Variants in LSAMP observed in about 807,000 individuals in gnomAD.
LSAMP encodes the protein limbic system associated membrane protein.
A neutral mutation model predicts 38.6 loss-of-function variants in LSAMP; 7 were observed. The ratio of observed to expected loss-of-function variants is 0.18; its 90% CI spans 0.10 to 0.34. LSAMP has a LOEUF of 0.34. LSAMP is among the 10% of genes least tolerant of loss of function. The probability of loss-of-function intolerance (pLI) is 1.00; values close to 1 mark genes in which losing one functional copy is unlikely to be tolerated. For missense variants in LSAMP, 313 were observed against 420.0 expected, an observed-to-expected ratio of 0.75 and a Z score of 2.23; for synonymous variants, 154 against 166.8, an observed-to-expected ratio of 0.92 and a Z score of 0.59.
intron 1 of LSAMP, among the ~76,000 whole-genome samples, chr3:116,102,316 C>T (rs1708365982): frequency 6.6e-6 from 1 of 152,208 alleles, no homozygotes; most frequent in African/African-American, 2.4e-5. Flanking sequence ...TTATAAAACA[C>T]AATCTCAGAA....
intron 1 of LSAMP, among the ~76,000 whole-genome samples, chr3:116,214,499 CTTTTTT>C (rs59630662): frequency 4.8e-5 from 5 of 103,254 alleles, no homozygotes; most frequent in African/African-American, 7.8e-5. Context: ...AAAAATGGGT[CTTTTTT>C]TTTTTTTTTT....
rs1933729794 is a variant in LSAMP at position 115,809,295 on chromosome 3, A to T, written c.*1022T>A. On this transcript the variant is annotated 3_prime_UTR_variant, in exon 7 of 7. Coordinates refer to ENST00000490035, the MANE Select transcript of LSAMP (RefSeq NM_002338.5). ...AGTGACTCCCCACTCGGTTCTGATG[A>T]TGGGACTAGGAGGAATATGGGGTCC... 1.3e-5 allele frequency: 2 copies of T among 152,330 alleles called. No individual in the cohort carries two copies. Among genetic ancestry groups the T allele is most frequent in the East Asian group, 1.9e-4 (1 of 5,180 alleles). 9.4% of individuals were successfully genotyped at this position (152,330 alleles called of 1,614,324 possible).
At chr3:116,319,841 A>G (rs1378621630) in intron 1 of LSAMP, among the ~76,000 whole-genome samples, 1 of 152,002 alleles carries the variant, frequency 6.6e-6, no homozygotes, top group Non-Finnish European at 1.5e-5. Flanking sequence ...TTTAGCTCAA[A>G]GCAATAGCAG....
chr3:116,257,690 C>T (rs1484000634), intron 1 of LSAMP, among the ~76,000 whole-genome samples: 1 of 151,960 alleles, frequency 6.6e-6, no homozygotes, highest in Non-Finnish European at 1.5e-5. Flanking sequence ...TTTCTGGTTG[C>T]TTGAATTTAA....
chr3:116,149,006 C>T (rs923733403), intron 1 of LSAMP, among the ~76,000 whole-genome samples: 4 of 152,000 alleles, frequency 2.6e-5, no homozygotes, highest in Admixed American at 6.6e-5. Flanking sequence ...ACTGATTGCA[C>T]AAGATCATCT....
intron 1 of LSAMP, among the ~76,000 whole-genome samples, chr3:116,388,645 T>C (rs1409283936): frequency 5.3e-5 from 8 of 152,220 alleles, no homozygotes; most frequent in Non-Finnish European, 1.0e-4. Context: ...GATTTTCAGC[T>C]TCACTGTCTT....
intron 3 of LSAMP, among the ~76,000 whole-genome samples, chr3:115,932,550 A>C (rs1225619696): frequency 6.6e-6 from 1 of 152,242 alleles, no homozygotes; most frequent in East Asian, 1.9e-4. Flanking sequence ...AAGAGAAGAG[A>C]AACAGTCCAT....
intron 1 of LSAMP, among the ~76,000 whole-genome samples, chr3:116,174,622 C>G (rs1225441090): frequency 1.3e-5 from 2 of 151,986 alleles, no homozygotes; most frequent in Admixed American, 1.3e-4. Flanking sequence ...TTCTCCTTCA[C>G]TTCAACCAGA....
chr3:116,002,331 GA>G (rs113984501), intron 3 of LSAMP, among the ~76,000 whole-genome samples: 3 of 150,268 alleles, frequency 2.0e-5, no homozygotes, highest in Admixed American at 6.6e-5. Context: ...AGCATAAAAG[GA>G]AAAAAAAAGA....
chr3:115,810,221 A>ATC lies in LSAMP; in HGVS notation c.*94_*95dup, dbSNP rs528530751. ...AGTTGTGAAATAAACGGTCTCCCCC[A>ATC]TCTCTCTCTCTCTCTCTCTCTCTGT... On this transcript the variant is annotated 3_prime_UTR_variant, in exon 7 of 7. Transcript: ENST00000490035. 0.02 allele frequency: 12,492 copies of ATC among 640,040 alleles called. 206 individuals are homozygous for ATC. Among genetic ancestry groups the ATC allele is most frequent in the African/African-American group, 0.1 (5,262 of 52,172 alleles). The allele number at this position is 640,040 out of a possible 1,614,324, so 39.6% of individuals were successfully genotyped here. A position where few individuals can be genotyped will look rare whatever the true frequency, so the allele number is the denominator to read the frequency against.
chr3:116,110,507 CGT>C (rs1250913301), intron 1 of LSAMP, among the ~76,000 whole-genome samples: 2 of 152,084 alleles, frequency 1.3e-5, no homozygotes, highest in Non-Finnish European at 2.9e-5. Context: ...ACGGATAAAA[CGT>C]GTCTCCTTTG....
intron 1 of LSAMP, among the ~76,000 whole-genome samples, chr3:116,087,823 A>C (rs1252595517): frequency 6.6e-6 from 1 of 152,114 alleles, no homozygotes; most frequent in African/African-American, 2.4e-5. Flanking sequence ...TAAATACTCC[A>C]TTTATGGTAT....
In LSAMP at chr3:116,189,375, G is replaced by A. The variant is rs72961576; in HGVS notation, c.156-102819C>T. On this transcript the variant is annotated intron_variant, in intron 1 of 6. Coordinates refer to ENST00000490035, the MANE Select transcript of LSAMP (RefSeq NM_002338.5). ...CAGAGCCTCTCAACTGGCTGTAGTG[G>A]GAATATTTACACCAAGGAAATTGGC... 1.8e-3 allele frequency among the ~76,000 whole-genome samples: 272 copies of A among 152,266 alleles called. 2 individuals carry two copies. The highest frequency in any genetic ancestry group is 6.2e-3 in the African/African-American group (256 of 41,562).
At chr3:115,966,742 T>C (rs1938828459) in intron 3 of LSAMP, among the ~76,000 whole-genome samples, 2 of 152,302 alleles carry the variant, frequency 1.3e-5, no homozygotes, top group South Asian at 4.1e-4. Context: ...TCCATAAGCA[T>C]AATGTTGAAT....
At chr3:116,318,554 G>C (rs903101141) in intron 1 of LSAMP, among the ~76,000 whole-genome samples, 2 of 152,134 alleles carry the variant, frequency 1.3e-5, no homozygotes, top group Admixed American at 6.5e-5. Flanking sequence ...AGCTCCAAGA[G>C]AGGTTTCTAT....
At chr3:116,159,876 C>T (rs916239213) in intron 1 of LSAMP, among the ~76,000 whole-genome samples, 30 of 152,010 alleles carry the variant, frequency 2.0e-4, no homozygotes, top group Non-Finnish European at 2.9e-5. Context: ...ATGTATACAT[C>T]GTGGAATACT....
chr3:116,026,885 T>C (rs558176836), intron 2 of LSAMP, among the ~76,000 whole-genome samples: 1 of 152,268 alleles, frequency 6.6e-6, no homozygotes, highest in South Asian at 2.1e-4. Flanking sequence ...GCTGGCACCA[T>C]TGAATTCACT....
At chr3:116,284,030 A>T (rs2047163169) in intron 1 of LSAMP, among the ~76,000 whole-genome samples, 1 of 152,178 alleles carries the variant, frequency 6.6e-6, no homozygotes, top group Admixed American at 6.5e-5. Context: ...AAATAAAATT[A>T]AAAAATAGTC....
At chr3:115,925,324 T>C (rs183803354) in intron 3 of LSAMP, among the ~76,000 whole-genome samples, 50 of 152,342 alleles carry the variant, frequency 3.3e-4, no homozygotes, top group African/African-American at 9.4e-4. Flanking sequence ...ACTACCACTT[T>C]CTGGCACAGA....
Sources: gnomAD v4.1 joint callset for allele counts (sites outside exome capture counted in the v4.1 genomes callset) on GRCh38, gnomAD v4.1.1 for gene constraint, MANE v1.5 for transcripts, NCBI Gene and HGNC (gene_info 2026-07-23, HGNC 2026-07-21) for gene names.